INO80: variants seen among roughly 807,000 people sequenced by gnomAD.
INO80 encodes INO80 complex ATPase subunit.
A neutral mutation model predicts 203.4 loss-of-function variants in INO80; 20 were observed. The observed-to-expected ratio is 0.10, with a 90% CI of 0.07 to 0.14. The LOEUF (loss-of-function observed/expected upper bound fraction) is 0.14. Among genes scored for constraint, INO80 ranks in the 10% least tolerant of loss-of-function variants. INO80 has a pLI of 1.00. For synonymous variants in INO80, 726 were observed against 685.2 expected, an observed-to-expected ratio of 1.06 and a Z score of -0.93; for missense variants, 1,419 against 1,914.4, an observed-to-expected ratio of 0.74 and a Z score of 4.83.
At chr15:41,097,323 G>C (rs1046589006) in intron 1 of INO80, among the ~76,000 whole-genome samples, 1 of 151,846 alleles carries the variant, frequency 6.6e-6, no homozygotes, top group African/African-American at 2.4e-5. Flanking sequence ...TGGGATTACA[G>C]GCTTGAGCCA....
chr15:41,072,411 C>T (rs2045335135), intron 11 of INO80, among the ~76,000 whole-genome samples: 1 of 151,656 alleles, frequency 6.6e-6, no homozygotes, highest in African/African-American at 2.4e-5. Flanking sequence ...TGTTAAACAT[C>T]ACTATATCAT....
chr15:41,058,849 G>C, intron 15 of INO80, 68 bp from the exon 16 acceptor site: 1 of 1,500,810 alleles, frequency 6.7e-7, no homozygotes, highest in South Asian at 1.3e-5. Context: ...CTGATGTATG[G>C]ACTGTTTTTC....
chr15:41,091,841 A>AG (rs1491074937), intron 5 of INO80, among the ~76,000 whole-genome samples, 186 bp downstream of exon 5: 4 of 151,752 alleles, frequency 2.6e-5, no homozygotes, highest in Non-Finnish European at 4.4e-5. Flanking sequence ...TTTAGTAGAC[A>AG]GGGGGTTTCA....
intron 29 of INO80, among the ~76,000 whole-genome samples, chr15:40,994,640 C>T (rs1324338236): frequency 6.6e-6 from 1 of 152,070 alleles, no homozygotes; most frequent in Non-Finnish European, 1.5e-5. Context: ...GTTAGGATTA[C>T]AGGTGTGAGC....
intron 4 of INO80, among the ~76,000 whole-genome samples, chr15:41,094,311 T>C (rs2140663443): frequency 1.3e-5 from 2 of 152,340 alleles, no homozygotes; most frequent in East Asian, 3.9e-4. Context: ...GCTCTAGCCA[T>C]ATTAGACTTC....
chr15:41,051,654 T>C (rs769774798), intron 19 of INO80, among the ~76,000 whole-genome samples: 15 of 151,556 alleles, frequency 9.9e-5, no homozygotes, highest in Non-Finnish European at 1.9e-4. Flanking sequence ...TCTATAAAAA[T>C]TAAAAAATAA....
intron 1 of INO80, among the ~76,000 whole-genome samples, chr15:41,115,299 G>A (rs1292033288): frequency 6.6e-6 from 1 of 152,170 alleles, no homozygotes; most frequent in Non-Finnish European, 1.5e-5. Context: ...GGGGCTTCTA[G>A]CCTCGGAGAT....
intron 34 of INO80, among the ~76,000 whole-genome samples, chr15:40,983,441 T>C (rs527602803): frequency 6.6e-6 from 1 of 152,236 alleles, no homozygotes; most frequent in South Asian, 2.1e-4. Flanking sequence ...CCCTCGAGTT[T>C]TGAACCCAGA....
At chr15:41,073,586 C>T in intron 10 of INO80, 91 bp from the exon 11 acceptor site, 1 of 1,008,588 alleles carries the variant, frequency 9.9e-7, no homozygotes, top group South Asian at 1.3e-5. Context: ...TCCCTGATTC[C>T]CTCATTCTAC....
At chr15:41,003,572 C>T (rs978593224) in intron 28 of INO80, among the ~76,000 whole-genome samples, 10 of 151,886 alleles carry the variant, frequency 6.6e-5, no homozygotes, top group African/African-American at 1.7e-4. Flanking sequence ...TCAGATGACC[C>T]GCCCACCTCG....
intron 28 of INO80, among the ~76,000 whole-genome samples, chr15:40,997,872 A>G (rs181128104): frequency 6.6e-6 from 1 of 152,298 alleles, no homozygotes; most frequent in African/African-American, 2.4e-5. Context: ...ACATGTAGCA[A>G]ATATAACAGA....
intron 29 of INO80, among the ~76,000 whole-genome samples, chr15:40,996,750 T>C (rs2043887039): frequency 1.3e-5 from 2 of 152,240 alleles, no homozygotes; most frequent in African/African-American, 4.8e-5. Flanking sequence ...TTTTCATTGC[T>C]CTCCAACCAC....
chr15:41,075,492 T>G (rs1026993122), intron 9 of INO80, among the ~76,000 whole-genome samples: 2 of 152,044 alleles, frequency 1.3e-5, no homozygotes, highest in Non-Finnish European at 2.9e-5. Flanking sequence ...TCTCCCTCTG[T>G]CGCCCAGGCT....
intron 11 of INO80, among the ~76,000 whole-genome samples, chr15:41,072,727 G>T (rs2045342891): frequency 6.7e-6 from 1 of 149,446 alleles, no homozygotes; most frequent in Admixed American, 6.7e-5. Context: ...ATTAAATAAC[G>T]TAGCAGTTTT....
chr15:41,021,542 A>T (rs1327252470), intron 25 of INO80, among the ~76,000 whole-genome samples: 1 of 152,260 alleles, frequency 6.6e-6, no homozygotes, highest in Non-Finnish European at 1.5e-5. Flanking sequence ...TCATTTAAAA[A>T]CTAAAGAATA....
chr15:41,006,299 A>T (rs776008266), intron 27 of INO80, among the ~76,000 whole-genome samples: 11 of 152,192 alleles, frequency 7.2e-5, no homozygotes, highest in Non-Finnish European at 1.0e-4. Flanking sequence ...CAATAGAGAG[A>T]CTGCCTCTCC....
At chr15:41,053,321 G>A (rs111364472) in intron 19 of INO80, among the ~76,000 whole-genome samples, 63,555 of 151,844 alleles carry the variant, frequency 0.42, 13,495 homozygotes, top group Middle Eastern at 0.48. Context: ...TAGCCAGGAT[G>A]GTCTCGATTT....
intron 8 of INO80, 75 bp from the exon 9 acceptor site, chr15:41,079,979 T>A: frequency 1.6e-6 from 2 of 1,261,500 alleles, no homozygotes; most frequent in Non-Finnish European, 2.3e-6. Flanking sequence ...CTAAACCACA[T>A]CATTCCTCAA....
At chr15:41,093,015 A>G (rs1463647920) in intron 4 of INO80, among the ~76,000 whole-genome samples, 1 of 152,164 alleles carries the variant, frequency 6.6e-6, no homozygotes, top group African/African-American at 2.4e-5. Flanking sequence ...AACCTAGGAA[A>G]CAGAGCAAGA....
Sources: gnomAD v4.1 joint callset for allele counts (sites outside exome capture counted in the v4.1 genomes callset) on GRCh38, gnomAD v4.1.1 for gene constraint, MANE v1.5 for transcripts, NCBI Gene and HGNC (gene_info 2026-07-23, HGNC 2026-07-21) for gene names.